Variants in GRID2 observed in about 807,000 individuals in gnomAD.
GRID2 encodes the protein glutamate receptor ionotropic, delta-2.
Under a neutral mutation model 114.8 loss-of-function variants are expected in GRID2, and 33 were observed. The ratio of observed to expected loss-of-function variants is 0.29; its 90% CI spans 0.22 to 0.38. GRID2 has a LOEUF of 0.38. GRID2 is among the 10% of genes least tolerant of loss of function. The pLI is 1.00. For missense variants in GRID2, 1,184 were observed against 1,257.7 expected (o/e 0.94, Z 0.89); for synonymous variants, 505 against 449.9 (o/e 1.12, Z -1.55).
chr4:92,556,419 T>C (rs1402799483), intron 1 of GRID2, among the ~76,000 whole-genome samples: 1 of 152,154 alleles, frequency 6.6e-6, no homozygotes, highest in Non-Finnish European at 1.5e-5. Context: ...TTTTTTTATT[T>C]GAGATGAAAG....
chr4:92,328,073 A>G lies in GRID2; in HGVS notation c.88+23329A>G, dbSNP rs375317737. The stretch of plus-strand genomic sequence containing the variant: ...ATGCTCATTCATTTGAAAAGGGGCT[A>G]TATAAGATAGAGACAGGGAGAAATG... On this transcript the variant is annotated intron_variant, in intron 1 of 15. Coordinates refer to ENST00000282020, the MANE Select transcript of GRID2 (RefSeq NM_001510.4). Among the ~76,000 whole-genome samples the G allele has an allele frequency of 2.8e-4, 42 of 152,050 alleles. No homozygotes were observed. The South Asian group carries it at 8.5e-3, about 31-fold the overall frequency.
chr4:92,624,699 G>C (rs1482428057), intron 2 of GRID2, among the ~76,000 whole-genome samples: 2 of 150,702 alleles, frequency 1.3e-5, no homozygotes, highest in African/African-American at 4.9e-5. Flanking sequence ...TTCAACCAAA[G>C]GAAAAAAAAG....
At chr4:93,013,824 C>A (rs1578752288) in intron 2 of GRID2, among the ~76,000 whole-genome samples, 2 of 151,454 alleles carry the variant, frequency 1.3e-5, no homozygotes, top group South Asian at 4.2e-4. Flanking sequence ...CTCACATATT[C>A]ATTTATTTTA....
chr4:93,809,034 T>A (rs1004041839), exon 2 of GRID2: 20 of 152,164 alleles, frequency 1.3e-4, no homozygotes, highest in Non-Finnish European at 5.9e-5. Context: ...ACCTGACTCT[T>A]ACTTCTCTGA....
rs1553999298 is a variant in GRID2, at chr4:93,765,616, A to ATATATATATATATGAGG, written c.2361-3581_2361-3580insGAGGTATATATATATAT. ...TTTAAATAGGTGAGGTATTATATAT[A>ATATATATATATATGAGG]TATATATATATATATATGAGGCATA... On this transcript the variant is annotated intron_variant, in intron 14 of 15. Coordinates refer to ENST00000282020, the MANE Select transcript of GRID2 (RefSeq NM_001510.4). Among the ~76,000 whole-genome samples the ATATATATATATATGAGG allele has an allele frequency of 1.3e-3, 190 of 148,336 alleles. 2 individuals carry two copies. Among genetic ancestry groups the ATATATATATATATGAGG allele is most frequent in the Non-Finnish European group, 1.5e-3 (103 of 67,228 alleles).
At chr4:93,443,160 C>A (rs923021216) in intron 10 of GRID2, among the ~76,000 whole-genome samples, 1 of 152,070 alleles carries the variant, frequency 6.6e-6, no homozygotes, top group Non-Finnish European at 1.5e-5. Flanking sequence ...GTTAAAAAAT[C>A]TATTTTTAAC....
At chr4:92,503,836 T>A (rs551601119) in intron 1 of GRID2, among the ~76,000 whole-genome samples, 1 of 152,280 alleles carries the variant, frequency 6.6e-6, no homozygotes, top group Non-Finnish European at 1.5e-5. Context: ...AACAGATCTA[T>A]TATAGAATAA....
At chr4:93,494,361 G>A (rs2149464505) in intron 12 of GRID2, among the ~76,000 whole-genome samples, 1 of 151,724 alleles carries the variant, frequency 6.6e-6, no homozygotes, top group Middle Eastern at 3.4e-3. Flanking sequence ...GAATGTCAGT[G>A]AAGGGGAGAG....
In GRID2 at chr4:92,304,677, CT is replaced by C. The variant is rs745765476; in HGVS notation, c.23del (p.Leu8TrpfsTer60). 1 of 1,613,096 alleles carries C rather than the reference CT, an allele frequency of 6.2e-7. No individual in the cohort carries two copies. MEVFPFL[L>X]VLSVWWSRTW... ...AGGAGATGGAAGTTTTCCCCTTTCT[CT>C]TGGTTTTGTCCGTCTGGTGGTCTCG... On this transcript the variant is annotated frameshift_variant, in exon 1 of 16. Coordinates refer to ENST00000282020, the MANE Select transcript of GRID2 (RefSeq NM_001510.4). LOFTEE classifies it high-confidence loss of function.
At chr4:92,529,393 A>G (rs1403249985) in intron 1 of GRID2, among the ~76,000 whole-genome samples, 1 of 152,064 alleles carries the variant, frequency 6.6e-6, no homozygotes, top group African/African-American at 2.4e-5. Flanking sequence ...ACAGATCAAA[A>G]TGCTTTTTTC....
intron 2 of GRID2, among the ~76,000 whole-genome samples, chr4:92,635,532 G>T (rs1356034535): frequency 6.6e-6 from 1 of 151,642 alleles, no homozygotes; most frequent in African/African-American, 2.4e-5. Flanking sequence ...GTTTTAATCT[G>T]CGTTGTTTGT....
chr4:93,517,919 T>C (rs1226928043), intron 13 of GRID2, among the ~76,000 whole-genome samples: 4 of 132,402 alleles, frequency 3.0e-5, no homozygotes, highest in Non-Finnish European at 6.7e-5. Flanking sequence ...TGTGTGTATG[T>C]ATATACTATA....
chr4:92,560,201 C>T (rs149383552), intron 1 of GRID2, among the ~76,000 whole-genome samples: 8 of 152,234 alleles, frequency 5.3e-5, no homozygotes, highest in African/African-American at 1.7e-4. Flanking sequence ...TGAGATGCAG[C>T]TGGATTCATA....
intron 2 of GRID2, among the ~76,000 whole-genome samples, chr4:92,643,467 T>C (rs1485828119): frequency 6.6e-6 from 1 of 151,800 alleles, no homozygotes; most frequent in Non-Finnish European, 1.5e-5. Flanking sequence ...CTGGAACTTA[T>C]AAACAACTTT....
intron 11 of GRID2, among the ~76,000 whole-genome samples, chr4:93,456,672 G>A (rs1340516268): frequency 6.6e-6 from 1 of 151,648 alleles, no homozygotes; most frequent in African/African-American, 2.4e-5. Context: ...GAATGAAATA[G>A]TAAGAAAATT....
rs371291019 is a variant in GRID2 at position 93,110,882 on chromosome 4, C to T, written c.664C>T (p.Arg222Cys). 8.1e-6 allele frequency: 13 copies of T among 1,612,224 alleles called. No individual in the cohort carries two copies. The highest frequency in any genetic ancestry group is 4.5e-5 in the East Asian group (2 of 44,878). ...FDTMRIEELN[R>C]YRDTLRRAIL... Reference sequence around the variant, plus strand: ...CACCATGAGAATAGAAGAACTGAATCGCTATCGAGACACTCTTAGGCGAGC... The same window carrying T: ...CACCATGAGAATAGAAGAACTGAATTGCTATCGAGACACTCTTAGGCGAGC... Residue 222 changes from arginine (R) to cysteine (C), a missense_variant, in exon 4 of 16, where the codon CGC becomes TGC. By Grantham distance (180) the Arg-to-Cys change is radical. This residue lies in a region of GRID2 where 455 missense variants were observed against 429.5 expected (regional missense o/e 1.06). Transcript: ENST00000282020.
intron 2 of GRID2, among the ~76,000 whole-genome samples, chr4:92,942,270 A>G (rs983921097): frequency 3.0e-5 from 4 of 134,156 alleles, no homozygotes; most frequent in African/African-American, 1.0e-4. Flanking sequence ...GGGTGCATAT[A>G]TATTTAGGAT....
chr4:92,565,152 T>C (rs17019598), intron 1 of GRID2, among the ~76,000 whole-genome samples: 32,615 of 151,950 alleles, frequency 0.21, 3,837 homozygotes, highest in South Asian at 0.29. Context: ...CTTTAAATGC[T>C]TGTTATGTTA....
intron 10 of GRID2, among the ~76,000 whole-genome samples, chr4:93,450,118 C>G (rs570787843): frequency 1.1e-3 from 164 of 151,786 alleles, no homozygotes; most frequent in African/African-American, 3.9e-3. Flanking sequence ...TAATTTATAT[C>G]AATTGAGGAA....
Sources: gnomAD v4.1 joint callset for allele counts (sites outside exome capture counted in the v4.1 genomes callset) on GRCh38, gnomAD v4.1.1 for gene constraint, gnomAD v4.1.1 regional missense constraint, MANE v1.5 for transcripts, NCBI Gene and HGNC (gene_info 2026-07-23, HGNC 2026-07-21) for gene names.